SPAG9: variants seen among roughly 807,000 people sequenced by gnomAD.
SPAG9 encodes the protein sperm associated antigen 9, also known as C-Jun-amino-terminal kinase-interacting protein 4.
In SPAG9, 35 loss-of-function variants were observed where a neutral mutation model predicts 166.5. That is an observed-to-expected ratio of 0.21 (90% CI 0.16 to 0.28). The LOEUF (loss-of-function observed/expected upper bound fraction) is 0.28. SPAG9 is among the 10% of genes least tolerant of loss of function. SPAG9 has a pLI of 1.00. For missense variants in SPAG9, 1,235 were observed against 1,603.3 expected, an observed-to-expected ratio of 0.77 and a Z score of 3.92; for synonymous variants, 534 against 565.5, an observed-to-expected ratio of 0.94 and a Z score of 0.79.
At chr17:51,101,118 C>T (rs1305358448) in intron 1 of SPAG9, among the ~76,000 whole-genome samples, 2 of 151,948 alleles carry the variant, frequency 1.3e-5, no homozygotes, top group Non-Finnish European at 2.9e-5. Flanking sequence ...GAGGCCAAGG[C>T]AGGTGGATCA....
At chr17:51,107,744 TA>T (rs35218447) in intron 1 of SPAG9, among the ~76,000 whole-genome samples, 44,420 of 137,998 alleles carry the variant, frequency 0.32, 7,588 homozygotes, top group Non-Finnish European at 0.41. Context: ...AAAAAAAGGT[TA>T]AAAAAAAAAA....
chr17:51,013,928 ACAC>A (rs1567998725), intron 9 of SPAG9, among the ~76,000 whole-genome samples: 1 of 149,424 alleles, frequency 6.7e-6, no homozygotes, highest in Non-Finnish European at 1.5e-5. Flanking sequence ...ATACACACAC[ACAC>A]ATCACCATGT....
rs1469733009 is a variant in SPAG9 at position 50,965,156 on chromosome 17, T to TTC, written c.*1114_*1115dup. On this transcript the variant is annotated 3_prime_UTR_variant, in exon 30 of 30. Transcript: ENST00000262013. ...GTTTGTCTTCTTCCCCTTCATAGTT[T>TTC]TCCCCTTTGAGGATAACCCTTCAAG... 1 of 152,280 alleles carries TTC rather than the reference T, an allele frequency of 6.6e-6. No individual in the cohort carries two copies. The highest frequency in any genetic ancestry group is 1.5e-5 in the Non-Finnish European group (1 of 68,096). 9.4% of individuals were successfully genotyped at this position (152,280 alleles called of 1,614,324 possible).
At chr17:51,010,383 G>A (rs990567186) in intron 9 of SPAG9, among the ~76,000 whole-genome samples, 5 of 151,956 alleles carry the variant, frequency 3.3e-5, no homozygotes, top group Non-Finnish European at 5.9e-5. Context: ...AGACACAGTT[G>A]TCTCAGCCAC....
intron 1 of SPAG9, among the ~76,000 whole-genome samples, chr17:51,083,542 AT>A (rs772375057): frequency 9.4e-6 from 1 of 106,090 alleles, no homozygotes; most frequent in Non-Finnish European, 2.1e-5. Flanking sequence ...CAGCCTCTTT[AT>A]TTTATTTATT....
chr17:50,983,624 T>C (rs898741580), intron 24 of SPAG9, among the ~76,000 whole-genome samples: 2 of 152,232 alleles, frequency 1.3e-5, no homozygotes, highest in Non-Finnish European at 2.9e-5. Context: ...ACATTGACAC[T>C]TACTAAATGC....
intron 5 of SPAG9, among the ~76,000 whole-genome samples, chr17:51,032,724 T>G (rs1231043003): frequency 6.6e-6 from 1 of 151,844 alleles, no homozygotes; most frequent in African/African-American, 2.4e-5. Flanking sequence ...TCACCTGAGG[T>G]CGGGAGTCCA....
chr17:51,117,528 G>A (rs999722021), intron 1 of SPAG9, among the ~76,000 whole-genome samples: 1 of 151,600 alleles, frequency 6.6e-6, no homozygotes, highest in African/African-American at 2.4e-5. Context: ...TGGCTAAAAT[G>A]GTGAAACCCC....
Position 51,046,283 on chromosome 17 carries a change from T to C in SPAG9, c.590+1092A>G, listed in dbSNP as rs151273164. On this transcript the variant is annotated intron_variant, in intron 4 of 29. Transcript: ENST00000262013. ...ACCTTGTACTTGTGTGTAAGTACAA[T>C]ATGAAAATCCTTTTCTTTAGTTAGT... 7.4e-3 allele frequency among the ~76,000 whole-genome samples: 1,134 copies of C among 152,300 alleles called. 26 individuals are homozygous for C. The highest frequency in any genetic ancestry group is 0.063 in the Admixed American group (960 of 15,294).
At chr17:51,022,601 A>G (rs2045981792) in intron 6 of SPAG9, among the ~76,000 whole-genome samples, 2 of 151,514 alleles carry the variant, frequency 1.3e-5, no homozygotes, top group Non-Finnish European at 2.9e-5. Context: ...AAGAAAAGAG[A>G]AACTGACAAA....
chr17:51,083,116 C>G (rs978814537), intron 1 of SPAG9, among the ~76,000 whole-genome samples: 1 of 152,106 alleles, frequency 6.6e-6, no homozygotes, highest in African/African-American at 2.4e-5. Flanking sequence ...ATTAAAGATA[C>G]TATTTGTACC....
chr17:51,116,584 C>G (rs1568103248), intron 1 of SPAG9, among the ~76,000 whole-genome samples: 1 of 152,052 alleles, frequency 6.6e-6, no homozygotes, highest in Non-Finnish European at 1.5e-5. Context: ...CTGGGCAACA[C>G]AGTGAGACCT....
chr17:51,088,670 C>T (rs1023657101), intron 1 of SPAG9, among the ~76,000 whole-genome samples: 63 of 152,168 alleles, frequency 4.1e-4, no homozygotes, highest in African/African-American at 1.3e-3. Context: ...TGGTGGCGGG[C>T]GCCTGTAGTC....
intron 5 of SPAG9, among the ~76,000 whole-genome samples, chr17:51,034,104 T>C (rs1414867888): frequency 2.6e-5 from 4 of 152,198 alleles, no homozygotes; most frequent in Non-Finnish European, 5.9e-5. Flanking sequence ...TGAAGATATA[T>C]GTGAGGAAAA....
chr17:51,081,262 C>T (rs931307138), intron 1 of SPAG9, among the ~76,000 whole-genome samples: 1 of 152,078 alleles, frequency 6.6e-6, no homozygotes, highest in African/African-American at 2.4e-5. Flanking sequence ...GCCAGCCTGT[C>T]CAACATGGTG....
intron 5 of SPAG9, among the ~76,000 whole-genome samples, chr17:51,034,460 T>A (rs2046507174): frequency 6.6e-6 from 1 of 152,004 alleles, no homozygotes; most frequent in Non-Finnish European, 1.5e-5. Context: ...GAAGAAAGCA[T>A]TCAAAAAAGG....
chr17:51,031,306 C>A (rs893959707), intron 6 of SPAG9: 8 of 247,636 alleles, frequency 3.2e-5, no homozygotes, highest in Non-Finnish European at 6.4e-5. Context: ...AAGCAGTCCA[C>A]TGTAAGATGA....
chr17:50,971,456 T>C, intron 28 of SPAG9, among the ~76,000 whole-genome samples: 2 of 138,406 alleles, frequency 1.4e-5, no homozygotes, highest in South Asian at 2.3e-4. Flanking sequence ...TGCTTCAAAC[T>C]ACCTTTTTTT....
At chr17:51,055,879 G>A (rs1285003788) in intron 3 of SPAG9, among the ~76,000 whole-genome samples, 1 of 152,128 alleles carries the variant, frequency 6.6e-6, no homozygotes, top group Non-Finnish European at 1.5e-5. Context: ...CCTTTGAGGA[G>A]ACTGTGCTGA....
Sources: gnomAD v4.1 joint callset for allele counts (sites outside exome capture counted in the v4.1 genomes callset) on GRCh38, gnomAD v4.1.1 for gene constraint, MANE v1.5 for transcripts, NCBI Gene and HGNC (gene_info 2026-07-23, HGNC 2026-07-21) for gene names.